Variants in RTL4 observed in about 807,000 individuals in gnomAD.
RTL4 encodes the protein retrotransposon Gag-like protein 4.
Under a neutral mutation model 5.3 loss-of-function variants are expected in RTL4, and 4 were observed. The ratio of observed to expected loss-of-function variants is 0.75; its 90% CI spans 0.37 to 1.72. RTL4 has a LOEUF of 1.72. Ranked by LOEUF, RTL4 falls within the 40% of genes most tolerant of loss-of-function variation. The pLI is 0.04. For missense variants in RTL4, 260 were observed against 227.1 expected (o/e 1.14, Z -0.93); for synonymous variants, 98 against 87.3 (o/e 1.12, Z -0.68).
At chrX:112,421,701 C>T in the RTL4 span, among the ~76,000 whole-genome samples, 1 of 112,061 alleles carries the variant, frequency 8.9e-6, no homozygotes, top group East Asian at 2.8e-4. Context: ...TTCTTGAGCA[C>T]ACACCATCAT....
chrX:112,169,718 A>G, the RTL4 span, among the ~76,000 whole-genome samples: 10 of 111,488 alleles, frequency 9.0e-5, no homozygotes, highest in Non-Finnish European at 1.5e-4. Context: ...TCTCCTGGTT[A>G]TATTTCTTTT....
the RTL4 span, among the ~76,000 whole-genome samples, chrX:112,260,313 C>T: frequency 1.8e-5 from 2 of 111,397 alleles, no homozygotes; most frequent in Admixed American, 1.9e-4. Context: ...TTGAGCATGC[C>T]TCACTGCCCT....
the RTL4 span, among the ~76,000 whole-genome samples, chrX:112,406,152 A>T: frequency 8.9e-6 from 1 of 111,908 alleles, no homozygotes; most frequent in Non-Finnish European, 1.9e-5. Context: ...AGTCTAAGCC[A>T]CAATGACTGC....
At chrX:112,159,018 A>G in the RTL4 span, among the ~76,000 whole-genome samples, 5,813 of 112,078 alleles carry the variant, frequency 0.052, 327 homozygotes, top group African/African-American at 0.16. Flanking sequence ...CAAACTTGTT[A>G]GAAAAAAATT....
the RTL4 span, among the ~76,000 whole-genome samples, chrX:112,402,708 G>T: frequency 9.0e-6 from 1 of 110,756 alleles, no homozygotes; most frequent in Non-Finnish European, 1.9e-5. Context: ...GTTGAGAAAA[G>T]CTCAGAGCTC....
At chrX:112,254,757 A>G in the RTL4 span, among the ~76,000 whole-genome samples, 1 of 111,708 alleles carries the variant, frequency 9.0e-6, no homozygotes, top group African/African-American at 3.3e-5. Context: ...AGAGGAGAGC[A>G]TGGTATATGT....
chrX:112,215,436 T>A, the RTL4 span, among the ~76,000 whole-genome samples: 2 of 112,274 alleles, frequency 1.8e-5, no homozygotes, highest in Admixed American at 9.4e-5. Context: ...CATATGATTA[T>A]CTGTGTTTAT....
At chrX:112,124,211 C>T in the RTL4 span, among the ~76,000 whole-genome samples, 9 of 111,965 alleles carry the variant, frequency 8.0e-5, no homozygotes, top group South Asian at 3.0e-3. Context: ...AACACTTTTA[C>T]ACTGTTGGTG....
the RTL4 span, among the ~76,000 whole-genome samples, chrX:112,433,053 A>G: frequency 2.7e-5 from 3 of 109,515 alleles, no homozygotes; most frequent in Non-Finnish European, 5.7e-5. Context: ...GATATGCGGC[A>G]TTATTTCTGA....
At chrX:112,359,041 G>A in the RTL4 span, among the ~76,000 whole-genome samples, 1 of 111,610 alleles carries the variant, frequency 9.0e-6, no homozygotes, top group Non-Finnish European at 1.9e-5. Flanking sequence ...CATAACAAAT[G>A]TCTATCTTTA....
chrX:112,083,680 C>T, the RTL4 span, among the ~76,000 whole-genome samples: 1 of 111,578 alleles, frequency 9.0e-6, no homozygotes, highest in Non-Finnish European at 1.9e-5. Context: ...GGGAGAGGGG[C>T]GGTGTCACCG....
the RTL4 span, among the ~76,000 whole-genome samples, chrX:112,419,595 T>TTACATATGTATATGTGTGTATATATATA: frequency 3.6e-5 from 1 of 28,161 alleles, no homozygotes; most frequent in Non-Finnish European, 9.7e-5. Flanking sequence ...ATATATATAT[T>TTACATATGTATATGTGTGTATATATATA]TTTACATATG....
At chrX:112,328,429 A>G in the RTL4 span, among the ~76,000 whole-genome samples, 1 of 111,871 alleles carries the variant, frequency 8.9e-6, no homozygotes, top group African/African-American at 3.3e-5. Context: ...ACATAATGGT[A>G]AAGGGAACAA....
At chrX:112,302,529 A>C in the RTL4 span, among the ~76,000 whole-genome samples, 3 of 112,304 alleles carry the variant, frequency 2.7e-5, no homozygotes, top group Admixed American at 2.8e-4. Flanking sequence ...CAAATAATGT[A>C]AATTGTACTC....
chrX:112,280,469 A>T, the RTL4 span, among the ~76,000 whole-genome samples: 28 of 111,061 alleles, frequency 2.5e-4, no homozygotes, highest in African/African-American at 8.8e-4. Context: ...CTAAGGTACA[A>T]GTTTTTTGTG....
the RTL4 span, among the ~76,000 whole-genome samples, chrX:112,231,400 G>T: frequency 1.7e-4 from 19 of 110,109 alleles, no homozygotes; most frequent in African/African-American, 6.0e-4. Flanking sequence ...CCATAAAAAA[G>T]GATGAGTTCA....
At chrX:112,376,237 T>C in the RTL4 span, among the ~76,000 whole-genome samples, 1 of 111,804 alleles carries the variant, frequency 8.9e-6, no homozygotes, top group Non-Finnish European at 1.9e-5. Flanking sequence ...GGTCATTTAC[T>C]AAGATAACTG....
At chrX:112,191,841 G>T in the RTL4 span, among the ~76,000 whole-genome samples, 1 of 111,585 alleles carries the variant, frequency 9.0e-6, no homozygotes, top group Admixed American at 9.5e-5. Flanking sequence ...TGAGAAGATT[G>T]TTATCTTAAC....
At chrX:112,312,806 C>T in the RTL4 span, among the ~76,000 whole-genome samples, 1 of 111,247 alleles carries the variant, frequency 9.0e-6, no homozygotes, top group East Asian at 2.8e-4. Context: ...TCCTGTTTCT[C>T]CCCAACTCTG....
Sources: gnomAD v4.1 joint callset for allele counts (sites outside exome capture counted in the v4.1 genomes callset) on GRCh38, gnomAD v4.1.1 for gene constraint, MANE v1.5 for transcripts, NCBI Gene and HGNC (gene_info 2026-07-23, HGNC 2026-07-21) for gene names.